Variants in PVALB observed in about 807,000 individuals in gnomAD.
PVALB encodes the protein parvalbumin, also known as parvalbumin alpha.
A neutral mutation model predicts 10.9 loss-of-function variants in PVALB; 11 were observed. The ratio of observed to expected loss-of-function variants is 1.01; its 90% CI spans 0.63 to 1.67. The LOEUF is 1.67. PVALB is among the 40% of genes most tolerant of loss of function. PVALB has a pLI of 0.00. For missense variants in PVALB, 131 were observed against 136.2 expected (o/e 0.96, Z 0.19); for synonymous variants, 57 against 50.7 (o/e 1.12, Z -0.53).
At chr22:36,815,300 G>A in intron 1 of PVALB, 65 bp from the exon 2 acceptor site, 2 of 1,594,572 alleles carry the variant, frequency 1.3e-6, no homozygotes, top group Non-Finnish European at 1.7e-6. Context: ...TGGGAGAATG[G>A]GGGGCATCAA....
intron 3 of PVALB, among the ~76,000 whole-genome samples, chr22:36,812,207 G>A (rs1265526567): frequency 6.6e-6 from 1 of 152,200 alleles, no homozygotes; most frequent in Non-Finnish European, 1.5e-5. Flanking sequence ...CAGAGGTGAC[G>A]TGTTCAAGGT....
In PVALB at chr22:36,815,087, G is replaced by T; in HGVS notation, c.194+16C>A. 1 of 1,613,902 alleles carries T rather than the reference G, an allele frequency of 6.2e-7. No individual in the cohort carries two copies. The highest frequency in any genetic ancestry group is 8.5e-7 in the Non-Finnish European group (1 of 1,179,900). ...TGCAGCCGTGGGCTGGGCAGCCCCTGCAGGCCTCCGCTTACCCCAGCTCAT... is the reference window on the plus strand; with the variant it reads ...TGCAGCCGTGGGCTGGGCAGCCCCTTCAGGCCTCCGCTTACCCCAGCTCAT... On this transcript the variant is annotated intron_variant, in intron 2 of 3. Coordinates refer to ENST00000417718, the MANE Select transcript of PVALB (RefSeq NM_001315532.2).
upstream of PVALB, among the ~76,000 whole-genome samples, chr22:36,819,093 C>A (rs935480650): frequency 4.6e-5 from 7 of 152,190 alleles, no homozygotes; most frequent in Non-Finnish European, 8.8e-5. Context: ...CCCATCAGCC[C>A]TGGGTAGTCC....
At chr22:36,809,515 T>A (rs1376211338) in intron 3 of PVALB, among the ~76,000 whole-genome samples, 2 of 152,232 alleles carry the variant, frequency 1.3e-5, no homozygotes, top group African/African-American at 4.8e-5. Context: ...AAGACCCGAC[T>A]TTCAGACTTT....
intron 3 of PVALB, among the ~76,000 whole-genome samples, chr22:36,806,689 G>C (rs1386474470): frequency 6.6e-6 from 1 of 152,164 alleles, no homozygotes; most frequent in South Asian, 2.1e-4. Flanking sequence ...GAGTCACTCC[G>C]GGTCAAGCCA....
chr22:36,800,822 G>C lies in PVALB; in HGVS notation c.*68C>G, dbSNP rs1269933486. 2.0e-6 allele frequency: 3 copies of C among 1,498,792 alleles called. No homozygotes were observed. The African/African-American group carries it at 4.1e-5, about 21-fold the overall frequency. 92.8% of individuals were successfully genotyped at this position (1,498,792 alleles called of 1,614,324 possible). A position where few individuals can be genotyped will look rare whatever the true frequency, so the allele number is the denominator to read the frequency against. ...ACGAACTGAACAGAAATGCAGGAGG[G>C]TGGCGAGAGGGGCCGAGATTGGGTG... On this transcript the variant is annotated 3_prime_UTR_variant, in exon 4 of 4. Coordinates refer to ENST00000417718, the MANE Select transcript of PVALB (RefSeq NM_001315532.2).
upstream of PVALB, chr22:36,817,143 C>A: frequency 1.4e-6 from 1 of 727,860 alleles, no homozygotes; most frequent in Non-Finnish European, 2.1e-6. Context: ...CGCCAGGGGC[C>A]CGGACTCTGA....
intron 3 of PVALB, among the ~76,000 whole-genome samples, chr22:36,808,013 A>G (rs1483008928): frequency 6.6e-6 from 1 of 152,230 alleles, no homozygotes; most frequent in Non-Finnish European, 1.5e-5. Context: ...AGACACACTT[A>G]AAGCAGAGGG....
At chr22:36,815,393 CAAGGGAGGA>C in intron 1 of PVALB, 158 bp from the exon 2 acceptor site, 2 of 984,778 alleles carry the variant, frequency 2.0e-6, no homozygotes, top group East Asian at 5.2e-5. Context: ...GGAGCCCGGG[CAAGGGAGGA>C]TAACCTGTCC....
chr22:36,804,665 G>A (rs1485485089), intron 3 of PVALB, among the ~76,000 whole-genome samples: 1 of 152,218 alleles, frequency 6.6e-6, no homozygotes, highest in Non-Finnish European at 1.5e-5. Flanking sequence ...GCTGGGTGCA[G>A]TGGCTCATGC....
chr22:36,811,608 G>C, intron 3 of PVALB: 1 of 455,750 alleles, frequency 2.2e-6, no homozygotes, highest in Admixed American at 2.4e-5. Context: ...GCCAGGTTTG[G>C]CTGGTTTCTC....
At chr22:36,816,864 C>A in intron 1 of PVALB, 81 bp downstream of exon 1, 1 of 1,287,602 alleles carries the variant, frequency 7.8e-7, no homozygotes, top group Non-Finnish European at 1.1e-6. Context: ...GGAGGATCCG[C>A]CGGCTGCGGG....
chr22:36,811,591 G>T (rs1310673726), intron 3 of PVALB: 1 of 459,302 alleles, frequency 2.2e-6, no homozygotes. Context: ...GGGAGGCAGG[G>T]AACTGGGCCA....
At chr22:36,808,043 A>C (rs1431053421) in intron 3 of PVALB, among the ~76,000 whole-genome samples, 1 of 152,154 alleles carries the variant, frequency 6.6e-6, no homozygotes, top group Non-Finnish European at 1.5e-5. Context: ...CATCGCCGGG[A>C]ATGGGTTTCA....
At chr22:36,808,523 C>T (rs1054798681) in intron 3 of PVALB, among the ~76,000 whole-genome samples, 6 of 152,262 alleles carry the variant, frequency 3.9e-5, no homozygotes, top group South Asian at 2.1e-4. Flanking sequence ...GGGATAGTGA[C>T]GGCATCTACT....
At chr22:36,811,425 G>A (rs908898193) in intron 3 of PVALB, 16 of 468,698 alleles carry the variant, frequency 3.4e-5, no homozygotes, top group South Asian at 2.5e-4. Flanking sequence ...GGGCTAAGGA[G>A]TAGCTGCTCA....
At chr22:36,814,739 A>G (rs952407521) in intron 2 of PVALB, among the ~76,000 whole-genome samples, 4 of 152,164 alleles carry the variant, frequency 2.6e-5, no homozygotes, top group Non-Finnish European at 4.4e-5. Context: ...TAGACAAATG[A>G]AAATCAATGA....
At chr22:36,807,157 G>A (rs565766292) in intron 3 of PVALB, among the ~76,000 whole-genome samples, 62 of 152,318 alleles carry the variant, frequency 4.1e-4, no homozygotes, top group African/African-American at 1.5e-3. Flanking sequence ...TAACTAAAAC[G>A]TCTCAGCTCA....
At chr22:36,807,863 C>A (rs1938979541) in intron 3 of PVALB, among the ~76,000 whole-genome samples, 1 of 152,162 alleles carries the variant, frequency 6.6e-6, no homozygotes, top group Non-Finnish European at 1.5e-5. Context: ...ACAGATTTTG[C>A]CAGAGGGAAG....
Sources: gnomAD v4.1 joint callset for allele counts (sites outside exome capture counted in the v4.1 genomes callset) on GRCh38, gnomAD v4.1.1 for gene constraint, MANE v1.5 for transcripts, NCBI Gene and HGNC (gene_info 2026-07-23, HGNC 2026-07-21) for gene names.